SEM1: variants seen among roughly 807,000 people sequenced by gnomAD.
The protein encoded by SEM1 is SEM1 26S proteasome subunit.
Under a neutral mutation model 12.7 loss-of-function variants are expected in SEM1, and 3 were observed. The ratio of observed to expected loss-of-function variants is 0.24; its 90% CI spans 0.11 to 0.61. SEM1 has a LOEUF of 0.61. Ranked by LOEUF, SEM1 falls within the 20% of genes least tolerant of loss-of-function variation. The pLI is 0.88. For missense variants in SEM1, 59 were observed against 81.3 expected (o/e 0.73, Z 1.06); for synonymous variants, 30 against 27.8 (o/e 1.08, Z -0.25).
intron 2 of SEM1, among the ~76,000 whole-genome samples, chr7:96,597,728 A>T (rs1475323956): frequency 6.6e-6 from 1 of 151,824 alleles, no homozygotes; most frequent in Non-Finnish European, 1.5e-5. Flanking sequence ...ATGCACACAC[A>T]CATAGTCACA....
chr7:96,705,359 C>CAAA (rs34525327), intron 1 of SEM1, among the ~76,000 whole-genome samples: 3 of 142,194 alleles, frequency 2.1e-5, no homozygotes, highest in East Asian at 2.0e-4. Flanking sequence ...GCTTCTCTCT[C>CAAA]AAAAAAAAAA....
chr7:96,628,254 A>G (rs1304717433), intron 2 of SEM1, among the ~76,000 whole-genome samples: 1 of 152,084 alleles, frequency 6.6e-6, no homozygotes, highest in Non-Finnish European at 1.5e-5. Flanking sequence ...TTATTGATAA[A>G]GAAGTACTTA....
chr7:96,677,658 T>C (rs767992508), intron 2 of SEM1, among the ~76,000 whole-genome samples: 1 of 152,112 alleles, frequency 6.6e-6, no homozygotes, highest in Non-Finnish European at 1.5e-5. Flanking sequence ...GCAGGAACTA[T>C]TCAGTGGTCT....
intron 2 of SEM1, among the ~76,000 whole-genome samples, chr7:96,623,361 T>C (rs953232649): frequency 1.1e-4 from 17 of 151,752 alleles, no homozygotes. Context: ...ACCTTCATAA[T>C]TGCATAACTG....
At chr7:96,565,859 C>G (rs1805829112) in intron 2 of SEM1, among the ~76,000 whole-genome samples, 1 of 151,796 alleles carries the variant, frequency 6.6e-6, no homozygotes, top group African/African-American at 2.4e-5. Context: ...CAAGTGTTCC[C>G]ACAGATCTTC....
At chr7:96,631,389 T>C (rs1808255142) in intron 2 of SEM1, among the ~76,000 whole-genome samples, 1 of 152,076 alleles carries the variant, frequency 6.6e-6, no homozygotes, top group Non-Finnish European at 1.5e-5. Context: ...TTTTTTTCTT[T>C]TATAATAGGA....
intron 2 of SEM1, among the ~76,000 whole-genome samples, chr7:96,660,562 A>T (rs1393841651): frequency 3.3e-5 from 5 of 152,180 alleles, no homozygotes; most frequent in Admixed American, 3.3e-4. Context: ...ACACATTGTT[A>T]TTGTATATAT....
At chr7:96,534,160 C>A (rs544377493) in intron 2 of SEM1, among the ~76,000 whole-genome samples, 1 of 151,962 alleles carries the variant, frequency 6.6e-6, no homozygotes, top group Admixed American at 6.6e-5. Flanking sequence ...GTTTGGCAGA[C>A]ATTTTGTCAA....
chr7:96,652,446 T>C (rs1230388649), intron 2 of SEM1, among the ~76,000 whole-genome samples: 1 of 151,792 alleles, frequency 6.6e-6, no homozygotes, highest in South Asian at 2.1e-4. Flanking sequence ...TTGTAAAAAA[T>C]TGAGGGAAAT....
intron 2 of SEM1, among the ~76,000 whole-genome samples, chr7:96,613,851 T>C (rs950231768): frequency 2.6e-5 from 4 of 152,234 alleles, no homozygotes; most frequent in Non-Finnish European, 5.9e-5. Context: ...TCTAGGTTTA[T>C]CCATGTTGCC....
chr7:96,667,827 G>A (rs927392404), intron 2 of SEM1, among the ~76,000 whole-genome samples: 17 of 152,300 alleles, frequency 1.1e-4, no homozygotes, highest in Admixed American at 8.5e-4. Flanking sequence ...AAAGAATATA[G>A]TTTGGTATTT....
chr7:96,552,153 C>T (rs186605932), intron 2 of SEM1, among the ~76,000 whole-genome samples: 4 of 151,972 alleles, frequency 2.6e-5, no homozygotes, highest in South Asian at 2.1e-4. Flanking sequence ...GGGGTGGGAG[C>T]TGGGGCTACC....
At chr7:96,614,006 A>G (rs1807627074) in intron 2 of SEM1, among the ~76,000 whole-genome samples, 1 of 152,220 alleles carries the variant, frequency 6.6e-6, no homozygotes, top group South Asian at 2.1e-4. Flanking sequence ...TGCAGTGAAC[A>G]TGGGAGTGAA....
At chr7:96,608,391 G>C (rs954926293) in intron 2 of SEM1, among the ~76,000 whole-genome samples, 22 of 151,908 alleles carry the variant, frequency 1.4e-4, no homozygotes, top group African/African-American at 5.1e-4. Context: ...TTCTTTTTAA[G>C]AATGATCCTT....
chr7:96,686,053 G>C (rs1402058399), downstream of SEM1, among the ~76,000 whole-genome samples: 1 of 152,020 alleles, frequency 6.6e-6, no homozygotes, highest in Non-Finnish European at 1.5e-5. Flanking sequence ...CCTATTAGCT[G>C]TTGCAATCCT....
chr7:96,543,489 T>C (rs1349313805), intron 2 of SEM1, among the ~76,000 whole-genome samples: 1 of 151,940 alleles, frequency 6.6e-6, no homozygotes, highest in Non-Finnish European at 1.5e-5. Flanking sequence ...TTTAGTCCAA[T>C]GTTTCAAATG....
intron 2 of SEM1, among the ~76,000 whole-genome samples, chr7:96,514,863 A>T (rs1334229693): frequency 6.7e-6 from 1 of 149,412 alleles, no homozygotes; most frequent in Non-Finnish European, 1.5e-5. Flanking sequence ...CTTCAATATA[A>T]TCTCAATCAA....
chr7:96,665,111 T>C (rs1360975575), intron 2 of SEM1, among the ~76,000 whole-genome samples: 1 of 152,140 alleles, frequency 6.6e-6, no homozygotes, highest in Non-Finnish European at 1.5e-5. Flanking sequence ...CACTGGTTTC[T>C]CATCTTCCCA....
At chr7:96,693,790 G>GTGTGTGTGTA (rs1023821213) in intron 2 of SEM1, among the ~76,000 whole-genome samples, 17 of 145,444 alleles carry the variant, frequency 1.2e-4, no homozygotes, top group African/African-American at 4.2e-4. Context: ...GTGTGTGTGT[G>GTGTGTGTGTA]TATATATATA....
Sources: allele counts gnomAD v4.1 joint callset (sites outside exome capture counted in the v4.1 genomes callset), GRCh38; gene constraint gnomAD v4.1.1; transcripts MANE v1.5; gene names NCBI Gene and HGNC (gene_info 2026-07-23, HGNC 2026-07-21).